NDUFAF6: variants seen among roughly 807,000 people sequenced by gnomAD.
NDUFAF6 encodes NADH dehydrogenase (ubiquinone) complex I, assembly factor 6.
In NDUFAF6, 45 loss-of-function variants were observed where a neutral mutation model predicts 40.8. That is an observed-to-expected ratio of 1.10 (90% CI 0.87 to 1.42). NDUFAF6 has a LOEUF of 1.42. NDUFAF6 is among the 40% of genes most tolerant of loss of function. The probability of loss-of-function intolerance (pLI) is 0.00; values close to 1 mark genes in which losing one functional copy is unlikely to be tolerated. For synonymous variants in NDUFAF6, 185 were observed against 155.9 expected, an observed-to-expected ratio of 1.19 and a Z score of -1.39; for missense variants, 435 against 418.5, an observed-to-expected ratio of 1.04 and a Z score of -0.34.
intron 1 of NDUFAF6, among the ~76,000 whole-genome samples, chr8:94,914,419 G>A (rs1818990388): frequency 6.6e-6 from 1 of 152,232 alleles, no homozygotes; most frequent in African/African-American, 2.4e-5. Context: ...TAAGGCCTGG[G>A]TGAGTTACAT....
intron 8 of NDUFAF6, 64 bp from the exon 9 acceptor site, chr8:95,057,742 TTAG>T: frequency 1.6e-6 from 2 of 1,229,934 alleles, no homozygotes; most frequent in Non-Finnish European, 2.3e-6. Context: ...TATTCTTTAG[TTAG>T]TTTTTTTTTT....
chr8:94,967,204 G>A (rs985408737), intron 1 of NDUFAF6, among the ~76,000 whole-genome samples: 2 of 152,236 alleles, frequency 1.3e-5, no homozygotes, highest in African/African-American at 4.8e-5. Context: ...CTTTGATAAA[G>A]TAGCCAAAAC....
At chr8:95,059,424 TA>T (rs1832510121), downstream of NDUFAF6, among the ~76,000 whole-genome samples, 1 of 152,176 alleles carries the variant, frequency 6.6e-6, no homozygotes, top group Non-Finnish European at 1.5e-5. Flanking sequence ...TTAATAAATA[TA>T]TAGTTGAATG....
chr8:94,921,609 C>A (rs1191208282), intron 1 of NDUFAF6, among the ~76,000 whole-genome samples: 3 of 152,222 alleles, frequency 2.0e-5, no homozygotes, highest in Non-Finnish European at 4.4e-5. Flanking sequence ...CAAATAAATT[C>A]TTCTGGCCAA....
chr8:95,038,037 C>G (rs530027299), intron 3 of NDUFAF6, among the ~76,000 whole-genome samples: 1 of 152,314 alleles, frequency 6.6e-6, no homozygotes, highest in South Asian at 2.1e-4. Context: ...GCATGCGCCA[C>G]CACACCTGGC....
chr8:94,960,563 C>T (rs144882873), intron 1 of NDUFAF6, among the ~76,000 whole-genome samples: 18 of 152,316 alleles, frequency 1.2e-4, no homozygotes, highest in Admixed American at 5.2e-4. Context: ...GGTGCACAGA[C>T]AATGACATCT....
chr8:95,014,351 T>C (rs1013593850), intron 2 of NDUFAF6, among the ~76,000 whole-genome samples: 1 of 152,202 alleles, frequency 6.6e-6, no homozygotes, highest in Non-Finnish European at 1.5e-5. Context: ...GTGAAGGTCC[T>C]CTGGTGGGAG....
intron 1 of NDUFAF6, among the ~76,000 whole-genome samples, chr8:94,904,310 ATTTTTTTTGCTTTTTTTTTTTTTT>A (rs1395541367): frequency 1.4e-4 from 7 of 49,024 alleles, no homozygotes; most frequent in South Asian, 1.1e-3. Flanking sequence ...CACCTGGCTA[ATTTTTTTTGCTTTTTTTTTTTTTT>A]TTTTTTTTTT....
chr8:94,901,198 G>A (rs765738063), intron 1 of NDUFAF6, among the ~76,000 whole-genome samples: 3 of 152,166 alleles, frequency 2.0e-5, no homozygotes, highest in Admixed American at 6.5e-5. Flanking sequence ...AACGAGGTTT[G>A]TATGGCTGGA....
chr8:94,955,169 G>A (rs988961961), upstream of NDUFAF6, among the ~76,000 whole-genome samples: 2 of 152,228 alleles, frequency 1.3e-5, no homozygotes, highest in Non-Finnish European at 2.9e-5. Flanking sequence ...GTAAGTGTGT[G>A]TTCTTACCAG....
intron 2 of NDUFAF6, among the ~76,000 whole-genome samples, chr8:95,088,682 T>TG (rs1410805118): frequency 6.7e-6 from 1 of 149,358 alleles, no homozygotes; most frequent in Non-Finnish European, 1.5e-5. Context: ...GTCACTTTTT[T>TG]GGGGTTTTGT....
At chr8:95,011,771 A>G (rs927748617) in intron 2 of NDUFAF6, among the ~76,000 whole-genome samples, 3 of 152,216 alleles carry the variant, frequency 2.0e-5, no homozygotes, top group Non-Finnish European at 4.4e-5. Flanking sequence ...CCTCTAGTTG[A>G]CATTTGATAA....
chr8:94,929,690 CAA>C (rs932793466), intron 1 of NDUFAF6: 3 of 152,136 alleles, frequency 2.0e-5, no homozygotes, highest in African/African-American at 7.2e-5. Context: ...GGAATAGTAA[CAA>C]ATTAAATACT....
intron 9 of NDUFAF6, among the ~76,000 whole-genome samples, chr8:95,065,487 T>G (rs2132022171): frequency 6.6e-6 from 1 of 152,386 alleles, no homozygotes; most frequent in Admixed American, 6.5e-5. Context: ...TTCTACATAT[T>G]GTTTTTTAGT....
chr8:94,922,900 A>G (rs1819601668), intron 1 of NDUFAF6, among the ~76,000 whole-genome samples: 1 of 152,226 alleles, frequency 6.6e-6, no homozygotes, highest in African/African-American at 2.4e-5. Flanking sequence ...AGTTGCACAC[A>G]AAAGAATTGC....
At chr8:95,084,751 A>G (rs991195017) in intron 2 of NDUFAF6, among the ~76,000 whole-genome samples, 2 of 152,242 alleles carry the variant, frequency 1.3e-5, no homozygotes, top group African/African-American at 4.8e-5. Flanking sequence ...TGTCCTACCT[A>G]GACAGGGAGG....
intron 4 of NDUFAF6, among the ~76,000 whole-genome samples, chr8:95,108,662 C>T (rs540740827): frequency 2.2e-4 from 33 of 152,200 alleles, no homozygotes; most frequent in Middle Eastern, 3.4e-3. Flanking sequence ...TGTGAATGTA[C>T]TTAAGACCAC....
upstream of NDUFAF6, among the ~76,000 whole-genome samples, chr8:95,021,835 T>A (rs1827703397): frequency 6.6e-6 from 1 of 152,144 alleles, no homozygotes; most frequent in Admixed American, 6.5e-5. Context: ...AATCCTTGAT[T>A]TGTAGCCAAG....
chr8:94,992,145 A>C (rs1298082293), intron 2 of NDUFAF6, among the ~76,000 whole-genome samples: 1 of 152,170 alleles, frequency 6.6e-6, no homozygotes, highest in African/African-American at 2.4e-5. Flanking sequence ...GTGGGCACTT[A>C]CAGAAGGTAG....
Sources: allele counts gnomAD v4.1 joint callset (sites outside exome capture counted in the v4.1 genomes callset), GRCh38; gene constraint gnomAD v4.1.1; transcripts MANE v1.5; gene names NCBI Gene and HGNC (gene_info 2026-07-23, HGNC 2026-07-21).